TTLL5: variants seen among roughly 807,000 people sequenced by gnomAD.
TTLL5 encodes the protein tubulin polyglutamylase TTLL5.
In TTLL5, 132 loss-of-function variants were observed where a neutral mutation model predicts 168.4. The observed-to-expected ratio is 0.78, with a 90% CI of 0.68 to 0.91. The LOEUF (loss-of-function observed/expected upper bound fraction) is 0.91, where lower values mean the gene tolerates loss of function less well. Ranked by LOEUF, TTLL5 falls within the 40% of genes least tolerant of loss-of-function variation. The pLI is 0.00. For missense variants in TTLL5, 1,545 were observed against 1,581.5 expected, an observed-to-expected ratio of 0.98 and a Z score of 0.39; for synonymous variants, 546 against 558.6, an observed-to-expected ratio of 0.98 and a Z score of 0.32.
chr14:75,753,508 C>A (rs1045601642), intron 18 of TTLL5, among the ~76,000 whole-genome samples: 12 of 152,140 alleles, frequency 7.9e-5, no homozygotes, highest in Non-Finnish European at 1.3e-4. Context: ...AACTGCATTG[C>A]AGTACAGTTC....
At chr14:75,904,067 C>T in intron 31 of TTLL5, 1 of 1,211,902 alleles carries the variant, frequency 8.3e-7, no homozygotes, top group Non-Finnish European at 1.0e-6. Flanking sequence ...TCTTTCCACT[C>T]CCTGCTCATG....
intron 26 of TTLL5, among the ~76,000 whole-genome samples, chr14:75,786,357 AGT>A (rs1460748690): frequency 2.2e-4 from 33 of 152,362 alleles, no homozygotes; most frequent in African/African-American, 7.7e-4. Flanking sequence ...AGAGAATGAT[AGT>A]GAACAAAAGA....
rs1017183466 is a variant in TTLL5 at position 75,753,048 on chromosome 14, T to C, written c.1550+93T>C. On this transcript the variant is annotated intron_variant, in intron 18 of 31. Coordinates refer to ENST00000298832, the MANE Select transcript of TTLL5 (RefSeq NM_015072.5). ...AGGAAACAGACCTTATAAAAGTCTTTATGTAAAATCTCTGCTAGAAAAAAA... is the reference window on the plus strand; with the variant it reads ...AGGAAACAGACCTTATAAAAGTCTTCATGTAAAATCTCTGCTAGAAAAAAA... 4.0e-6 allele frequency: 5 copies of C among 1,254,248 alleles called. No homozygotes were observed. In the Admixed American group the frequency reaches 6.0e-5, roughly 15 times the overall value. 77.7% of individuals were successfully genotyped at this position (1,254,248 alleles called of 1,614,324 possible). A position where few individuals can be genotyped will look rare whatever the true frequency, so the allele number is the denominator to read the frequency against.
intron 30 of TTLL5, among the ~76,000 whole-genome samples, chr14:75,883,997 C>A (rs2031960985): frequency 6.6e-6 from 1 of 152,186 alleles, no homozygotes; most frequent in South Asian, 2.1e-4. Flanking sequence ...TAATATGATA[C>A]CTTCTGCAGG....
Position 75,683,538 on chromosome 14 carries a change from G to T in TTLL5, c.265-12G>T. The T allele has an allele frequency of 1.2e-6, 2 of 1,606,098 alleles. No homozygotes were observed. The highest frequency in any genetic ancestry group is 2.2e-5 in the South Asian group (2 of 90,484). On this transcript the variant is annotated splice_polypyrimidine_tract_variant and intron_variant, in intron 4 of 31. Coordinates refer to ENST00000298832, the MANE Select transcript of TTLL5 (RefSeq NM_015072.5). ...TGTTTTTTTGCCTTCTTGTCTTTCTGTCTGCCCTCAGGTTCACCCAAGCAG... is the reference window on the plus strand; with the variant it reads ...TGTTTTTTTGCCTTCTTGTCTTTCTTTCTGCCCTCAGGTTCACCCAAGCAG...
intron 31 of TTLL5, among the ~76,000 whole-genome samples, chr14:75,918,299 G>A (rs1315405589): frequency 6.6e-6 from 1 of 152,142 alleles, no homozygotes; most frequent in African/African-American, 2.4e-5. Context: ...TCAGATCTGG[G>A]CTCTTTTATT....
At chr14:75,903,335 GA>G (rs1442320551) in intron 31 of TTLL5, among the ~76,000 whole-genome samples, 1 of 152,054 alleles carries the variant, frequency 6.6e-6, no homozygotes, top group East Asian at 1.9e-4. Flanking sequence ...GGAGTTCTAG[GA>G]AGAGGGAACA....
intron 5 of TTLL5, chr14:75,689,550 T>C (rs1885301603): frequency 6.6e-6 from 1 of 152,228 alleles, no homozygotes; most frequent in African/African-American, 2.4e-5. Context: ...AAATGCTTTA[T>C]AGCAACTTTA....
At chr14:75,683,322 G>T (rs971884594) in intron 4 of TTLL5, among the ~76,000 whole-genome samples, 1 of 152,216 alleles carries the variant, frequency 6.6e-6, no homozygotes, top group South Asian at 2.1e-4. Context: ...CTATAGAAGG[G>T]TTAATTTATT....
At chr14:75,897,387 T>C (rs11159157) in intron 30 of TTLL5, among the ~76,000 whole-genome samples, 134,341 of 152,308 alleles carry the variant, frequency 0.88, 59,355 homozygotes, top group South Asian at 0.92. Context: ...TATGTGGTCA[T>C]GTGTCTTATT....
chr14:75,854,287 C>G (rs1897025510), intron 28 of TTLL5, among the ~76,000 whole-genome samples: 2 of 152,094 alleles, frequency 1.3e-5, no homozygotes, highest in Non-Finnish European at 2.9e-5. Context: ...AATATTTGTT[C>G]TTTTGTGTTT....
intron 15 of TTLL5, among the ~76,000 whole-genome samples, chr14:75,739,238 A>G (rs1006733150): frequency 1.1e-4 from 17 of 152,232 alleles, no homozygotes; most frequent in African/African-American, 4.1e-4. Context: ...GTAGTAATGT[A>G]TCTGAATACT....
chr14:75,852,639 C>G (rs1896921858), intron 28 of TTLL5, among the ~76,000 whole-genome samples: 1 of 152,120 alleles, frequency 6.6e-6, no homozygotes, highest in Admixed American at 6.5e-5. Context: ...ATACTCTTAT[C>G]TCAAGGTGTA....
intron 28 of TTLL5, 136 bp from the exon 29 acceptor site, chr14:75,863,531 T>C (rs1250667394): frequency 1.2e-6 from 1 of 834,138 alleles, no homozygotes; most frequent in Non-Finnish European, 1.8e-6. Flanking sequence ...AGTGAGATAA[T>C]ATCACACAAG....
chr14:75,869,821 A>ATTTT lies in TTLL5; in HGVS notation c.3522+5972_3522+5975dup, dbSNP rs10658095. Among the ~76,000 whole-genome samples the ATTTT allele has an allele frequency of 1.5e-4, 12 of 82,424 alleles. 1 individual carries two copies. In the East Asian group the frequency reaches 1.7e-3, roughly 12 times the overall value. The allele number at this position is 82,424 out of a possible 152,430, so 54.1% of individuals were successfully genotyped here. A position where few individuals can be genotyped will look rare whatever the true frequency, so the allele number is the denominator to read the frequency against. On this transcript the variant is annotated intron_variant, in intron 29 of 31. Coordinates refer to ENST00000298832, the MANE Select transcript of TTLL5 (RefSeq NM_015072.5). ...CTTGCAATGTATACATTCAACAAGT[A>ATTTT]TTTTTTTTTTTTTTTTGCGATGGAG...
At chr14:75,754,673 C>G (rs187731871) in intron 18 of TTLL5, among the ~76,000 whole-genome samples, 13 of 152,230 alleles carry the variant, frequency 8.5e-5, no homozygotes, top group African/African-American at 3.1e-4. Flanking sequence ...ATAGTAAGAG[C>G]TAGCAGCAGA....
At chr14:75,766,451 C>G in intron 20 of TTLL5, 83 bp downstream of exon 20, 1 of 1,266,946 alleles carries the variant, frequency 7.9e-7, no homozygotes, top group Non-Finnish European at 1.1e-6. Context: ...AGTGGTTTTA[C>G]AGTCATTTTT....
chr14:75,740,720 G>A (rs1889209456), intron 15 of TTLL5, among the ~76,000 whole-genome samples: 1 of 152,020 alleles, frequency 6.6e-6, no homozygotes, highest in Admixed American at 6.5e-5. Flanking sequence ...TGATAATGTG[G>A]TCTTTTCCAT....
At position 75,766,245 on chromosome 14, in the gene TTLL5, A is replaced by G. The variant is rs779105739; in HGVS notation, c.1892A>G (p.Lys631Arg). 4 of 1,613,992 alleles carry G rather than the reference A, an allele frequency of 2.5e-6. No individual in the cohort carries two copies. Residue 631 changes from lysine (K) to arginine (R), a missense_variant, in exon 20 of 32, where the codon AAA (lysine) becomes AGA (arginine). Physicochemically the swap from Lys to Arg is conservative, Grantham distance 26 (BLOSUM62 2). Transcript: ENST00000298832. ...SLTALVENTP[K>R]ENSMKVREWN... ...ACAGCTTTGGTAGAAAATACACCCA[A>G]AGAAAATTCCATGAAAGTTCGTGAA...
Sources: allele counts gnomAD v4.1 joint callset (sites outside exome capture counted in the v4.1 genomes callset), GRCh38; gene constraint gnomAD v4.1.1; transcripts MANE v1.5; gene names NCBI Gene and HGNC (gene_info 2026-07-23, HGNC 2026-07-21).